Variants in HEXD observed in about 807,000 individuals in gnomAD.
HEXD encodes N-acetyl-beta-galactosaminidase.
HEXD carries 47 observed loss-of-function variants against 54.2 expected under a neutral mutation model. The observed-to-expected ratio is 0.87, with a 90% CI of 0.69 to 1.11. The LOEUF (loss-of-function observed/expected upper bound fraction) is 1.11, where lower values mean the gene tolerates loss of function less well. HEXD is among the 50% of genes least tolerant of loss of function. The pLI is 0.00. For missense variants in HEXD, 576 were observed against 649.2 expected (o/e 0.89, Z 1.23); for synonymous variants, 293 against 287.6 (o/e 1.02, Z -0.19).
At position 82,441,007 on chromosome 17, in the gene HEXD, TGAA is replaced by T; in HGVS notation, c.996_998del (p.Glu332del). The T allele has an allele frequency of 6.2e-7, 1 of 1,613,454 alleles. No individual in the cohort carries two copies. Among genetic ancestry groups the T allele is most frequent in the Non-Finnish European group, 8.5e-7 (1 of 1,179,970 alleles). On this transcript the variant is annotated inframe_deletion, in exon 10 of 13. Transcript: ENST00000327949. ...CATTTGTGATTTCAGGAGGATTTGA[TGAA>T]GATGTTAAAGCGAAAGTGGAGAACC... is the stretch of plus-strand genomic sequence containing the variant.
intron 3 of HEXD, 63 bp from the exon 4 acceptor site, chr17:82,428,495 G>A: frequency 7.1e-7 from 1 of 1,408,274 alleles, no homozygotes; most frequent in East Asian, 2.3e-5. Flanking sequence ...AGGGCTGGGG[G>A]GGTGGGTGTG....
intron 2 of HEXD, among the ~76,000 whole-genome samples, chr17:82,420,684 C>T (rs2053209678): frequency 6.6e-6 from 1 of 152,242 alleles, no homozygotes; most frequent in African/African-American, 2.4e-5. Flanking sequence ...TCTCCTGCCT[C>T]AGCCTCTGGA....
intron 11 of HEXD, 77 bp downstream of exon 11, chr17:82,441,343 GGTGGGA>G: frequency 7.1e-7 from 1 of 1,410,108 alleles, no homozygotes; most frequent in Non-Finnish European, 9.5e-7. Context: ...GGCAGGTGTG[GGTGGGA>G]GGCAGGTGCG....
In HEXD at chr17:82,423,972, G is replaced by A. The variant is rs563823427; in HGVS notation, c.85-422G>A. ...TTCAGAGCCCTGCTCCCCCTGCCCC[G>A]GCTCCTCCTGCCCCGTCCCCCATGC... On this transcript the variant is annotated intron_variant, in intron 2 of 12. Coordinates refer to ENST00000327949, the MANE Select transcript of HEXD (RefSeq NM_001330542.2). Among the ~76,000 whole-genome samples, 9 of 139,832 alleles carry A rather than the reference G, an allele frequency of 6.4e-5. No individual in the cohort carries two copies. In the South Asian group the frequency reaches 1.9e-3, roughly 30 times the overall value. 91.7% of individuals were successfully genotyped at this position (139,832 alleles called of 152,430 possible).
At chr17:82,424,530 G>A (rs756165675) in intron 3 of HEXD, 27 bp downstream of exon 3, 1 of 1,541,680 alleles carries the variant, frequency 6.5e-7, no homozygotes, top group Non-Finnish European at 9.0e-7. Context: ...CAGGTACAGG[G>A]GCGCGGCGTG....
In HEXD at chr17:82,432,879, C is replaced by T. The variant is rs376018569; in HGVS notation, c.283-779C>T. 1.5e-3 allele frequency among the ~76,000 whole-genome samples: 227 copies of T among 149,288 alleles called. 3 individuals carry two copies. The highest frequency in any genetic ancestry group is 3.9e-3 in the African/African-American group (158 of 40,494). Reference sequence around the variant, plus strand: ...GAGATCGAGACCATCCTGGCTAACACGGTGAAACCCCGTCTCTACTAAAAC... The same window carrying T: ...GAGATCGAGACCATCCTGGCTAACATGGTGAAACCCCGTCTCTACTAAAAC... On this transcript the variant is annotated intron_variant, in intron 4 of 12. Coordinates refer to ENST00000327949, the MANE Select transcript of HEXD (RefSeq NM_001330542.2).
intron 4 of HEXD, among the ~76,000 whole-genome samples, chr17:82,432,807 T>TA (rs1213211189): frequency 6.6e-6 from 1 of 151,800 alleles, no homozygotes; most frequent in Non-Finnish European, 1.5e-5. Context: ...CTCACGCCTG[T>TA]AATCCCAGCA....
In HEXD at chr17:82,439,733, C is replaced by T. The variant is rs2053873818; in HGVS notation, c.982+20C>T. 4 of 1,599,128 alleles carry T rather than the reference C, an allele frequency of 2.5e-6. No individual in the cohort carries two copies. Among genetic ancestry groups the T allele is most frequent in the African/African-American group, 2.7e-5 (2 of 74,910 alleles). ...TACGCGGTATGTCTGGTCTGGCCAC[C>T]CCAAGCCCCACCGGCCCCTCCCCGA... On this transcript the variant is annotated intron_variant, in intron 9 of 12. Coordinates refer to ENST00000327949, the MANE Select transcript of HEXD (RefSeq NM_001330542.2).
chr17:82,439,304 A>T, intron 8 of HEXD: 1 of 428,224 alleles, frequency 2.3e-6, no homozygotes, highest in Non-Finnish European at 3.1e-6. Context: ...CCCTTTTCTC[A>T]GAGGCCAGAG....
At chr17:82,429,880 G>T (rs2053527964) in intron 4 of HEXD, among the ~76,000 whole-genome samples, 1 of 151,904 alleles carries the variant, frequency 6.6e-6, no homozygotes, top group Non-Finnish European at 1.5e-5. Flanking sequence ...TCTTCTGTCT[G>T]CACCTCAGCA....
Position 82,436,699 on chromosome 17 carries a change from C to T in HEXD, c.664C>T (p.Leu222Phe), listed in dbSNP as rs550025306. 1.2e-6 allele frequency: 2 copies of T among 1,612,386 alleles called. No individual in the cohort carries two copies. Among genetic ancestry groups the T allele is most frequent in the Admixed American group, 1.7e-5 (1 of 59,884 alleles). Residue 222 changes from leucine to phenylalanine, a missense_variant, in exon 7 of 13, where the codon CTC (leucine) becomes TTC (phenylalanine). Leu to Phe is a conservative substitution (Grantham distance 22). Transcript: ENST00000327949. ...GGTGCCGCAGCTGGTGGAGCCGGTG[C>T]TCTGGGACTACACGGCCGACCTGGA... ...SGVPQLVEPV[L>F]WDYTADLDVH...
At chr17:82,440,604 G>T in intron 9 of HEXD, 1 of 323,264 alleles carries the variant, frequency 3.1e-6, no homozygotes, top group Non-Finnish European at 5.9e-6. Flanking sequence ...GGTGCCTGCA[G>T]GCCTCATGGG....
chr17:82,431,589 T>G (rs545888711), intron 4 of HEXD, among the ~76,000 whole-genome samples: 18 of 152,184 alleles, frequency 1.2e-4, no homozygotes, highest in African/African-American at 3.9e-4. Context: ...AATTTTTGTC[T>G]TCTTAGTAGA....
At position 82,442,256 on chromosome 17, in the gene HEXD, G is replaced by C. The variant is rs1421491604; in HGVS notation, c.1333G>C (p.Glu445Gln). Residue 445 changes from glutamate to glutamine, a missense_variant, in exon 13 of 13, where the codon GAG becomes CAG. Transcript: ENST00000327949. This position sits in a 1 kb window ranked among gnomAD's most constrained non-coding sequence, Gnocchi z 6.8. Reference protein sequence around the residue: ...QLAFYPDAVEEWLEENVHPSL... With the variant: ...QLAFYPDAVEQWLEENVHPSL... ...GGCTTTCTACCCGGATGCCGTGGAG[G>C]AGTGGCTGGAGGAAAACGTGCACCC... 1 of 1,606,512 alleles carries C rather than the reference G, an allele frequency of 6.2e-7. No homozygotes were observed. The highest frequency in any genetic ancestry group is 8.5e-7 in the Non-Finnish European group (1 of 1,179,926).
intron 8 of HEXD, 113 bp from the exon 9 acceptor site, chr17:82,439,518 C>A (rs191515195): frequency 6.8e-6 from 10 of 1,476,106 alleles, no homozygotes; most frequent in African/African-American, 2.8e-5. Flanking sequence ...CTGCCCCCAG[C>A]GCTGATGTAG....
At position 82,434,098 on chromosome 17, in the gene HEXD, C is replaced by T. The variant is rs1302705408; in HGVS notation, c.447+276C>T. ...CAGCCTGCAGAGCCCGAGGGAGGCACCCTCGTGTCAGACGAGACCACCCCG... is the reference window on the plus strand; with the variant it reads ...CAGCCTGCAGAGCCCGAGGGAGGCATCCTCGTGTCAGACGAGACCACCCCG... On this transcript the variant is annotated intron_variant, in intron 5 of 12. Transcript: ENST00000327949. The surrounding 1 kb of genome is among the most constrained non-coding windows in gnomAD (Gnocchi z 4.5). Among the ~76,000 whole-genome samples, 2 of 152,232 alleles carry T rather than the reference C, an allele frequency of 1.3e-5. No individual in the cohort carries two copies. The highest frequency in any genetic ancestry group is 2.9e-5 in the Non-Finnish European group (2 of 68,042).
intron 9 of HEXD, chr17:82,440,682 C>G: frequency 2.3e-6 from 1 of 440,524 alleles, no homozygotes; most frequent in Non-Finnish European, 4.1e-6. Flanking sequence ...TGCGTGAGCC[C>G]TGGACACCTG....
chr17:82,439,048 G>A (rs2053852814), intron 8 of HEXD, among the ~76,000 whole-genome samples: 1 of 152,274 alleles, frequency 6.6e-6, no homozygotes, highest in Non-Finnish European at 1.5e-5. Flanking sequence ...GCACGGGCAG[G>A]TGGAGGCACC....
At chr17:82,429,739 G>T (rs906879577) in intron 4 of HEXD, among the ~76,000 whole-genome samples, 22 of 152,196 alleles carry the variant, frequency 1.4e-4, no homozygotes, top group African/African-American at 5.1e-4. Flanking sequence ...ATATCCATTT[G>T]CATTTGTCTC....
Sources: gnomAD v4.1 joint callset for allele counts (sites outside exome capture counted in the v4.1 genomes callset) on GRCh38, gnomAD v4.1.1 for gene constraint, Gnocchi (gnomAD v3.1) non-coding constraint, MANE v1.5 for transcripts, NCBI Gene and HGNC (gene_info 2026-07-23, HGNC 2026-07-21) for gene names.